The following SANBR variants were observed in gnomAD, a reference collection of about 807,000 sequenced individuals.
SANBR encodes the protein SANT and BTB domain regulator of class switch recombination.
SANBR carries 77 observed loss-of-function variants against 101.8 expected under a neutral mutation model. The ratio of observed to expected loss-of-function variants is 0.76; its 90% CI spans 0.63 to 0.91. The LOEUF (loss-of-function observed/expected upper bound fraction) is 0.91, where lower values mean the gene tolerates loss of function less well. Among genes scored for constraint, SANBR ranks in the 40% least tolerant of loss-of-function variants. SANBR has a pLI of 0.00. For missense variants in SANBR, 875 were observed against 853.0 expected, an observed-to-expected ratio of 1.03 and a Z score of -0.32; for synonymous variants, 279 against 274.7, an observed-to-expected ratio of 1.02 and a Z score of -0.15.
Position 61,117,571 on chromosome 2 carries a change from T to A in SANBR, c.1939+31T>A, listed in dbSNP as rs977022059. ...TTTTATTATTTGGGTAATGTACAAA[T>A]TGGATGTAAATAGCAATGATTGGTG... On this transcript the variant is annotated intron_variant, in intron 19 of 21. Coordinates refer to ENST00000402291, the MANE Select transcript of SANBR (RefSeq NM_001129993.3). The A allele has an allele frequency of 3.9e-6, 6 of 1,540,546 alleles. No homozygotes were observed. In the Admixed American group the frequency reaches 1.0e-4, roughly 26 times the overall value.
At chr2:61,106,433 G>C (rs111921053) in intron 13 of SANBR, 130 bp from the exon 14 acceptor site, 2 of 534,732 alleles carry the variant, frequency 3.7e-6, no homozygotes, top group Non-Finnish European at 3.3e-6. Flanking sequence ...CATTGTTGAC[G>C]TGATATCCTT....
intron 10 of SANBR, among the ~76,000 whole-genome samples, chr2:61,091,667 G>A (rs1682769056): frequency 6.6e-6 from 1 of 151,770 alleles, no homozygotes; most frequent in Non-Finnish European, 1.5e-5. Context: ...AGGCTGAGGC[G>A]AGAGGATTAC....
At chr2:61,081,132 G>A (rs1196801858) in intron 6 of SANBR, among the ~76,000 whole-genome samples, 1 of 151,948 alleles carries the variant, frequency 6.6e-6, no homozygotes, top group African/African-American at 2.4e-5. Flanking sequence ...TCTATTACTT[G>A]TATATGCAAT....
At chr2:61,082,782 G>T (rs1682204862) in intron 7 of SANBR, among the ~76,000 whole-genome samples, 1 of 151,994 alleles carries the variant, frequency 6.6e-6, no homozygotes, top group Non-Finnish European at 1.5e-5. Flanking sequence ...TCGTGCCACA[G>T]CACTCCAGCC....
chr2:61,072,064 A>C (rs1681503168), intron 4 of SANBR, among the ~76,000 whole-genome samples: 1 of 151,936 alleles, frequency 6.6e-6, no homozygotes, highest in South Asian at 2.1e-4. Flanking sequence ...CAGCCTCCCG[A>C]GTAGCTGGGA....
chr2:61,097,864 A>G lies in SANBR; in HGVS notation c.1365+12A>G. 6.2e-7 allele frequency: 1 copy of G among 1,606,160 alleles called. No homozygotes were observed. Among genetic ancestry groups the G allele is most frequent in the Non-Finnish European group, 8.5e-7 (1 of 1,175,344 alleles). On this transcript the variant is annotated intron_variant, in intron 12 of 21. Transcript: ENST00000402291. ...CTCAGCTTACAAAGGTGAATTTTGA[A>G]TATTGCCCTTAGTAGCTACAGTTTT... is the stretch of plus-strand genomic sequence containing the variant.
At position 61,070,727 on chromosome 2, in the gene SANBR, A is replaced by T. The variant is rs146043373; in HGVS notation, c.150+227A>T. Among the ~76,000 whole-genome samples the T allele has an allele frequency of 2.2e-3, 321 of 147,126 alleles. 2 individuals are homozygous for T. The highest frequency in any genetic ancestry group is 0.019 in the East Asian group (97 of 5,140). On this transcript the variant is annotated intron_variant, in intron 3 of 21. Transcript: ENST00000402291. The stretch of plus-strand genomic sequence containing the variant: ...TTATATATAGTATATATATTTATAT[A>T]TAATATTTTATATATAAATATATAT...
At chr2:61,103,777 G>C in intron 12 of SANBR, 76 bp from the exon 13 acceptor site, 1 of 1,388,570 alleles carries the variant, frequency 7.2e-7, no homozygotes, top group East Asian at 2.3e-5. Context: ...ACTTGGCAAA[G>C]AAAAGAAAAA....
At chr2:61,120,228 T>C (rs1032027861) in intron 20 of SANBR, among the ~76,000 whole-genome samples, 11 of 151,958 alleles carry the variant, frequency 7.2e-5, no homozygotes, top group Admixed American at 2.0e-4. Flanking sequence ...TTGGACCGGG[T>C]GCAGTGGCTC....
chr2:61,082,547 C>T (rs1682189107), intron 7 of SANBR, among the ~76,000 whole-genome samples: 1 of 152,074 alleles, frequency 6.6e-6, no homozygotes, highest in South Asian at 2.1e-4. Flanking sequence ...ACAGACCAGG[C>T]GCGGTGGCTC....
intron 10 of SANBR, among the ~76,000 whole-genome samples, chr2:61,091,000 C>G (rs1682726151): frequency 6.6e-6 from 1 of 151,658 alleles, no homozygotes; most frequent in African/African-American, 2.4e-5. Context: ...CCTCCACCTC[C>G]CAGGTTCAAG....
chr2:61,086,956 A>G (rs915014721), intron 8 of SANBR, among the ~76,000 whole-genome samples: 3 of 152,228 alleles, frequency 2.0e-5, no homozygotes, highest in African/African-American at 7.2e-5. Context: ...ACATTACACA[A>G]GGAAAGATGG....
At chr2:61,121,323 A>AT (rs748061066) in intron 21 of SANBR, 47 bp downstream of exon 21, 4,350 of 1,254,952 alleles carry the variant, frequency 3.5e-3, no homozygotes, top group Non-Finnish European at 3.8e-3. Context: ...TTTGAAGTGA[A>AT]TTTTTTTTTT....
chr2:61,083,087 A>G (rs1682225854), intron 7 of SANBR, 67 bp from the exon 8 acceptor site: 1 of 1,209,808 alleles, frequency 8.3e-7, no homozygotes, highest in Non-Finnish European at 1.2e-6. Context: ...TTTATCTTTG[A>G]AAGGTATTGC....
At chr2:61,103,685 A>G (rs547379547) in intron 12 of SANBR, among the ~76,000 whole-genome samples, 168 bp from the exon 13 acceptor site, 1 of 152,228 alleles carries the variant, frequency 6.6e-6, no homozygotes, top group Non-Finnish European at 1.5e-5. Context: ...TTGTTAAGCC[A>G]TACAGTTATG....
At chr2:61,085,147 G>A (rs1311840298) in intron 8 of SANBR, among the ~76,000 whole-genome samples, 3 of 152,114 alleles carry the variant, frequency 2.0e-5, no homozygotes, top group Non-Finnish European at 4.4e-5. Context: ...CAAAGGTCAG[G>A]ACTTAAAATA....
chr2:61,130,398 T>A (rs1484781091), intron 20 of SANBR, among the ~76,000 whole-genome samples: 1 of 152,130 alleles, frequency 6.6e-6, no homozygotes, highest in Non-Finnish European at 1.5e-5. Flanking sequence ...TAAAGACATT[T>A]AACTAACTGT....
chr2:61,073,807 A>G (rs1681610883), intron 5 of SANBR, among the ~76,000 whole-genome samples: 2 of 152,000 alleles, frequency 1.3e-5, no homozygotes, highest in East Asian at 1.9e-4. Context: ...TCTTAACACA[A>G]AACTTTAAAA....
chr2:61,081,276 C>T (rs1464819125), intron 6 of SANBR, among the ~76,000 whole-genome samples, 176 bp from the exon 7 acceptor site: 2 of 151,938 alleles, frequency 1.3e-5, no homozygotes, highest in African/African-American at 4.8e-5. Flanking sequence ...TTTCTCCATA[C>T]CCTAAGTTTT....
Sources: allele counts gnomAD v4.1 joint callset (sites outside exome capture counted in the v4.1 genomes callset), GRCh38; gene constraint gnomAD v4.1.1; transcripts MANE v1.5; gene names NCBI Gene and HGNC (gene_info 2026-07-23, HGNC 2026-07-21).